Variants in CYFIP2 observed in about 807,000 individuals in gnomAD.
The protein encoded by CYFIP2 is cytoplasmic FMR1-interacting protein 2.
Under a neutral mutation model 158.7 loss-of-function variants are expected in CYFIP2, and 29 were observed. The observed-to-expected ratio is 0.18, with a 90% CI of 0.14 to 0.25. The LOEUF is 0.25. Among genes scored for constraint, CYFIP2 ranks in the 10% least tolerant of loss-of-function variants. The pLI, the probability that CYFIP2 is intolerant of heterozygous loss-of-function variation, is 1.00. For synonymous variants in CYFIP2, 585 were observed against 617.6 expected, an observed-to-expected ratio of 0.95 and a Z score of 0.78; for missense variants, 852 against 1,639.5, an observed-to-expected ratio of 0.52 and a Z score of 8.29.
chr5:157,392,249 A>G (rs1025101013), intron 30 of CYFIP2, among the ~76,000 whole-genome samples: 1 of 152,156 alleles, frequency 6.6e-6, no homozygotes, highest in Non-Finnish European at 1.5e-5. Flanking sequence ...ATTTTGATGT[A>G]GTGCAACTTT....
chr5:157,328,079 A>G (rs2113155089), intron 19 of CYFIP2, 30 bp downstream of exon 19: 2 of 1,595,208 alleles, frequency 1.3e-6, no homozygotes, highest in Non-Finnish European at 1.7e-6. Flanking sequence ...GTGAGTAGCA[A>G]TCTCTTAAGA....
At chr5:157,297,907 G>A (rs552205647) in intron 5 of CYFIP2, among the ~76,000 whole-genome samples, 6 of 152,352 alleles carry the variant, frequency 3.9e-5, no homozygotes, top group South Asian at 2.1e-4. Context: ...GAGTGGCCAC[G>A]TGTGATGGTG....
chr5:157,395,514 G>A lies in CYFIP2; in HGVS notation c.*2514G>A. 5.7e-6 allele frequency: 4 copies of A among 698,986 alleles called. No individual in the cohort carries two copies. The highest frequency in any genetic ancestry group is 1.9e-5 in the African/African-American group (1 of 53,978). The allele number at this position is 698,986 out of a possible 1,614,324, so 43.3% of individuals were successfully genotyped here. A position where few individuals can be genotyped will look rare whatever the true frequency, so the allele number is the denominator to read the frequency against. On this transcript the variant is annotated 3_prime_UTR_variant, in exon 31 of 31. Coordinates refer to ENST00000620254, the MANE Select transcript of CYFIP2 (RefSeq NM_001037333.3). ...GCTATGCAGCTGAAGATGATATTTT[G>A]ATTTGTATTTTGGGGGTACCTGTGT... is the stretch of plus-strand genomic sequence containing the variant.
intron 20 of CYFIP2, 43 bp downstream of exon 20, chr5:157,330,893 G>A (rs753286024): frequency 1.4e-6 from 2 of 1,461,596 alleles, no homozygotes; most frequent in South Asian, 2.3e-5. Flanking sequence ...AGGGGCAGGA[G>A]AGAGCAGCTG....
chr5:157,299,304 C>G (rs757185254), intron 5 of CYFIP2, among the ~76,000 whole-genome samples: 10 of 152,140 alleles, frequency 6.6e-5, no homozygotes, highest in Non-Finnish European at 1.0e-4. Context: ...GTGCCCTGAC[C>G]CCATCTCTCT....
At chr5:157,331,709 A>G (rs1263035551) in intron 20 of CYFIP2, among the ~76,000 whole-genome samples, 1 of 152,192 alleles carries the variant, frequency 6.6e-6, no homozygotes, top group Non-Finnish European at 1.5e-5. Context: ...GATTACTGCT[A>G]TCGGTTACAA....
Position 157,309,749 on chromosome 5 carries a change from C to T in CYFIP2, c.907C>T (p.Gln303Ter). 1 of 1,603,642 alleles carries T rather than the reference C, an allele frequency of 6.2e-7. No individual in the cohort carries two copies. The highest frequency in any genetic ancestry group is 8.5e-7 in the Non-Finnish European group (1 of 1,175,194). Reference sequence around the variant, plus strand: ...GTGTTTGCTTCCTTTGCAGCAGCTGCAGGTGGTGCCCCTTTTCGGCGACAT... The same window carrying T: ...GTGTTTGCTTCCTTTGCAGCAGCTGTAGGTGGTGCCCCTTTTCGGCGACAT... ...SKIDKFFKQL[Q>*]VVPLFGDMQI... Residue 303 changes from glutamine to a stop codon, truncating the protein, a stop_gained, in exon 10 of 31, where the codon CAG becomes TAG. Coordinates refer to ENST00000620254, the MANE Select transcript of CYFIP2 (RefSeq NM_001037333.3). LOFTEE classifies it high-confidence loss of function.
chr5:157,267,282 C>G (rs144834450), intron 1 of CYFIP2, among the ~76,000 whole-genome samples: 2 of 152,210 alleles, frequency 1.3e-5, no homozygotes, highest in Non-Finnish European at 2.9e-5. Context: ...GGCAGGGAGA[C>G]GGAGGCAGGC....
At chr5:157,344,046 A>T (rs941841986) in intron 23 of CYFIP2, among the ~76,000 whole-genome samples, 1 of 152,002 alleles carries the variant, frequency 6.6e-6, no homozygotes, top group Non-Finnish European at 1.5e-5. Context: ...TGCTTTTTTT[A>T]GCCTCCTGGT....
At chr5:157,392,035 A>G (rs1427011743) in intron 30 of CYFIP2, among the ~76,000 whole-genome samples, 3 of 152,230 alleles carry the variant, frequency 2.0e-5, no homozygotes, top group African/African-American at 7.2e-5. Context: ...TGCTATATTC[A>G]TGTGTTATTG....
intron 13 of CYFIP2, among the ~76,000 whole-genome samples, chr5:157,318,560 A>G (rs1319873933): frequency 6.6e-6 from 1 of 152,212 alleles, no homozygotes; most frequent in African/African-American, 2.4e-5. Context: ...AGTTGTTTTC[A>G]TACCAGTTCT....
chr5:157,321,276 T>A (rs767677593), intron 15 of CYFIP2, among the ~76,000 whole-genome samples: 59 of 152,340 alleles, frequency 3.9e-4, no homozygotes, highest in Non-Finnish European at 6.6e-4. Context: ...CACCTTGAGC[T>A]TTCTGAGCTC....
chr5:157,343,766 G>C (rs10062052), intron 23 of CYFIP2, among the ~76,000 whole-genome samples: 1 of 151,792 alleles, frequency 6.6e-6, no homozygotes, highest in South Asian at 2.1e-4. Flanking sequence ...TCAGGCCTAA[G>C]AACAGATGCA....
At chr5:157,281,181 G>A (rs143356484) in intron 1 of CYFIP2, among the ~76,000 whole-genome samples, 7 of 152,154 alleles carry the variant, frequency 4.6e-5, no homozygotes, top group African/African-American at 7.2e-5. Context: ...GTGAGTTGGC[G>A]TCAAAGGCTT....
At chr5:157,285,544 C>T in intron 2 of CYFIP2, 66 bp downstream of exon 2, 13 of 1,426,434 alleles carry the variant, frequency 9.1e-6, no homozygotes, top group Non-Finnish European at 1.1e-5. Context: ...GAGAGTTTGC[C>T]CTAAGGCAGA....
At chr5:157,314,864 T>C (rs1760014816) in intron 12 of CYFIP2, 105 bp from the exon 13 acceptor site, 3 of 934,938 alleles carry the variant, frequency 3.2e-6, no homozygotes, top group Admixed American at 2.6e-5. Flanking sequence ...ATCAGTACTT[T>C]ATTCCTTTTT....
At chr5:157,323,506 G>A (rs570943674) in intron 15 of CYFIP2, among the ~76,000 whole-genome samples, 3 of 152,200 alleles carry the variant, frequency 2.0e-5, no homozygotes, top group Non-Finnish European at 4.4e-5. Flanking sequence ...TGTTGCCTAA[G>A]GTCACACAGC....
intron 3 of CYFIP2, among the ~76,000 whole-genome samples, chr5:157,293,589 G>A (rs1239501881): frequency 6.6e-6 from 1 of 152,194 alleles, no homozygotes; most frequent in Non-Finnish European, 1.5e-5. Context: ...TTTAAAAAGT[G>A]ATGCAAAACA....
At position 157,311,568 on chromosome 5, in the gene CYFIP2, T is replaced by G; in HGVS notation, c.993-96T>G. 1 of 1,087,880 alleles carries G rather than the reference T, an allele frequency of 9.2e-7. No individual in the cohort carries two copies. The highest frequency in any genetic ancestry group is 1.3e-6 in the Non-Finnish European group (1 of 749,596). The allele number at this position is 1,087,880 out of a possible 1,614,324, so 67.4% of individuals were successfully genotyped here. ...TACCATTTGGTGTCACCCAGGGGAG[T>G]TGGCCACGTGGGCTGAGCACCAGGA... is the stretch of plus-strand genomic sequence containing the variant. On this transcript the variant is annotated intron_variant, in intron 10 of 30. Coordinates refer to ENST00000620254, the MANE Select transcript of CYFIP2 (RefSeq NM_001037333.3). The surrounding 1 kb of genome is among the most constrained non-coding windows in gnomAD (Gnocchi z 4.7).
Sources: allele counts gnomAD v4.1 joint callset (sites outside exome capture counted in the v4.1 genomes callset), GRCh38; gene constraint gnomAD v4.1.1; non-coding constraint Gnocchi (gnomAD v3.1); transcripts MANE v1.5; gene names NCBI Gene and HGNC (gene_info 2026-07-23, HGNC 2026-07-21).